Variants in RCAN2 observed in about 807,000 individuals in gnomAD.
RCAN2 encodes the protein regulator of calcineurin 2, also known as calcipressin-2.
Under a neutral mutation model 23.6 loss-of-function variants are expected in RCAN2, and 9 were observed. That is an observed-to-expected ratio of 0.38 (90% CI 0.23 to 0.67). The LOEUF (loss-of-function observed/expected upper bound fraction) is 0.67. Ranked by LOEUF, RCAN2 falls within the 30% of genes least tolerant of loss-of-function variation. The pLI is 0.51. For synonymous variants in RCAN2, 109 were observed against 115.7 expected (o/e 0.94, Z 0.37); for missense variants, 273 against 302.3 (o/e 0.90, Z 0.72).
intron 1 of RCAN2, among the ~76,000 whole-genome samples, chr6:46,476,108 C>G (rs138451636): frequency 6.6e-6 from 1 of 152,236 alleles, no homozygotes; most frequent in East Asian, 1.9e-4. Flanking sequence ...TGCCATCTGA[C>G]CCTCCACAAG....
chr6:46,486,827 G>T (rs1769002463), intron 1 of RCAN2, among the ~76,000 whole-genome samples: 1 of 152,140 alleles, frequency 6.6e-6, no homozygotes, highest in South Asian at 2.1e-4. Flanking sequence ...CAGGGAGTTT[G>T]AATTGTATTT....
intron 2 of RCAN2, among the ~76,000 whole-genome samples, chr6:46,286,087 T>G (rs1446242192): frequency 6.6e-6 from 1 of 152,230 alleles, no homozygotes; most frequent in African/African-American, 2.4e-5. Context: ...AGTTGCCTCC[T>G]TACATATTTG....
At chr6:46,294,547 T>C (rs1196050452) in intron 2 of RCAN2, among the ~76,000 whole-genome samples, 1 of 152,098 alleles carries the variant, frequency 6.6e-6, no homozygotes, top group Non-Finnish European at 1.5e-5. Flanking sequence ...TGTTCAACAA[T>C]AGAGGAGTGG....
rs185987300 is a variant in RCAN2 at position 46,428,543 on chromosome 6, C to T, written c.225+28209G>A. ...GATCTGACTGGGATTTTCTTTGGAG[C>T]AATGGCTTAGAATTTCCAGAGAAGA... On this transcript the variant is annotated intron_variant, in intron 2 of 4. Transcript: ENST00000371374. Among the ~76,000 whole-genome samples, 4 of 152,302 alleles carry T rather than the reference C, an allele frequency of 2.6e-5. No homozygotes were observed. The East Asian group carries it at 7.7e-4, about 29-fold the overall frequency.
intron 2 of RCAN2, among the ~76,000 whole-genome samples, chr6:46,312,626 C>T (rs1403812984): frequency 6.6e-6 from 1 of 152,178 alleles, no homozygotes; most frequent in African/African-American, 2.4e-5. Context: ...TCCCCAGAAA[C>T]CTTACCCTTG....
intron 2 of RCAN2, among the ~76,000 whole-genome samples, chr6:46,386,082 C>G (rs375563766): frequency 3.3e-5 from 5 of 152,140 alleles, no homozygotes; most frequent in East Asian, 3.9e-4. Flanking sequence ...GTCGAGCAGG[C>G]AACCTAGAGA....
chr6:46,436,604 C>G (rs145243488), intron 2 of RCAN2, among the ~76,000 whole-genome samples: 1 of 152,270 alleles, frequency 6.6e-6, no homozygotes, highest in Non-Finnish European at 1.5e-5. Flanking sequence ...TTACAGTTAA[C>G]TAGGATCAAG....
In RCAN2 at chr6:46,301,293, A is replaced by T. The variant is rs1208892248; in HGVS notation, c.226-52397T>A. ...TCCTTCCCAGTGTCTGCATCTGTAAAATGGGGACTGAGCCCTCTTAAGACA... is the reference window on the plus strand; with the variant it reads ...TCCTTCCCAGTGTCTGCATCTGTAATATGGGGACTGAGCCCTCTTAAGACA... On this transcript the variant is annotated intron_variant, in intron 2 of 4. Coordinates refer to ENST00000371374, the MANE Select transcript of RCAN2 (RefSeq NM_001251974.2). Among the ~76,000 whole-genome samples, 3 of 152,038 alleles carry T rather than the reference A, an allele frequency of 2.0e-5. No homozygotes were observed. In the South Asian group the frequency reaches 6.2e-4, roughly 31 times the overall value.
chr6:46,413,886 A>ATCTTTGTCCC (rs1310349844), intron 2 of RCAN2, among the ~76,000 whole-genome samples: 1 of 152,192 alleles, frequency 6.6e-6, no homozygotes, highest in Non-Finnish European at 1.5e-5. Flanking sequence ...CAGGAATGGG[A>ATCTTTGTCCC]CAAAGACAAA....
chr6:46,284,818 T>C (rs767144561), intron 2 of RCAN2, among the ~76,000 whole-genome samples: 11 of 151,964 alleles, frequency 7.2e-5, no homozygotes, highest in Non-Finnish European at 1.3e-4. Flanking sequence ...TAGTTTATTT[T>C]GGGAAAAGCA....
intron 2 of RCAN2, among the ~76,000 whole-genome samples, chr6:46,276,132 G>C (rs915633509): frequency 5.3e-5 from 8 of 152,170 alleles, no homozygotes; most frequent in Admixed American, 3.9e-4. Flanking sequence ...CTTGAACCTA[G>C]GAGGTGGAGG....
chr6:46,456,458 C>A (rs969281731), intron 2 of RCAN2, among the ~76,000 whole-genome samples: 1 of 152,152 alleles, frequency 6.6e-6, no homozygotes, highest in African/African-American at 2.4e-5. Context: ...TGCTTCCTAG[C>A]CTAAGGGGCA....
chr6:46,425,176 T>C (rs896867051), intron 2 of RCAN2, among the ~76,000 whole-genome samples: 1 of 152,232 alleles, frequency 6.6e-6, no homozygotes, highest in Non-Finnish European at 1.5e-5. Context: ...AGATCCATTA[T>C]GCTTTTAAAA....
At chr6:46,435,924 C>G (rs1767350190) in intron 2 of RCAN2, among the ~76,000 whole-genome samples, 1 of 152,172 alleles carries the variant, frequency 6.6e-6, no homozygotes, top group African/African-American at 2.4e-5. Flanking sequence ...TTCTAGTGAG[C>G]ACTGGAGAAA....
intron 2 of RCAN2, among the ~76,000 whole-genome samples, chr6:46,293,514 A>G (rs1762631438): frequency 6.6e-6 from 1 of 152,182 alleles, no homozygotes; most frequent in African/African-American, 2.4e-5. Context: ...GTACATATGA[A>G]GGACCAGAAC....
chr6:46,305,918 C>CTTT (rs756724125), intron 2 of RCAN2, among the ~76,000 whole-genome samples: 1 of 142,934 alleles, frequency 7.0e-6, no homozygotes, highest in Non-Finnish European at 1.5e-5. Context: ...TGCTGAAGAC[C>CTTT]TTTTTTTTTT....
chr6:46,247,409 C>T (rs1034519720), intron 3 of RCAN2, among the ~76,000 whole-genome samples: 6 of 152,170 alleles, frequency 3.9e-5, no homozygotes, highest in African/African-American at 1.4e-4. Context: ...TCCTAACCTG[C>T]AACAACCACT....
intron 1 of RCAN2, among the ~76,000 whole-genome samples, chr6:46,480,413 C>T (rs1029382880): frequency 3.3e-5 from 5 of 152,304 alleles, no homozygotes; most frequent in African/African-American, 1.2e-4. Context: ...AGAAAGAATG[C>T]ACTATCTTAC....
At chr6:46,252,958 T>A (rs1181080971) in intron 2 of RCAN2, among the ~76,000 whole-genome samples, 1 of 152,236 alleles carries the variant, frequency 6.6e-6, no homozygotes, top group Non-Finnish European at 1.5e-5. Flanking sequence ...TACTGCATAA[T>A]CACATAACAT....
Sources: allele counts gnomAD v4.1 joint callset (sites outside exome capture counted in the v4.1 genomes callset), GRCh38; gene constraint gnomAD v4.1.1; transcripts MANE v1.5; gene names NCBI Gene and HGNC (gene_info 2026-07-23, HGNC 2026-07-21).